The following ZNF682 variants were observed in gnomAD, a reference collection of about 807,000 sequenced individuals.
ZNF682 encodes zinc finger protein 682.
In ZNF682, 29 loss-of-function variants were observed where a neutral mutation model predicts 36.5. The observed-to-expected ratio is 0.80, with a 90% CI of 0.59 to 1.08. ZNF682 has a LOEUF of 1.08. ZNF682 is among the 50% of genes least tolerant of loss of function. The pLI is 0.00. For synonymous variants in ZNF682, 180 were observed against 197.0 expected, an observed-to-expected ratio of 0.91 and a Z score of 0.72; for missense variants, 561 against 579.7, an observed-to-expected ratio of 0.97 and a Z score of 0.33.
intron 3 of ZNF682, among the ~76,000 whole-genome samples, chr19:19,998,436 T>G (rs1160315260): frequency 6.6e-6 from 1 of 152,134 alleles, no homozygotes; most frequent in Non-Finnish European, 1.5e-5. Flanking sequence ...AGCAGAAGGA[T>G]GGAGAATCTT....
At chr19:20,022,423 T>A (rs182251090) in intron 3 of ZNF682, among the ~76,000 whole-genome samples, 24 of 152,042 alleles carry the variant, frequency 1.6e-4, no homozygotes, top group Non-Finnish European at 3.4e-4. Flanking sequence ...ATCCCAGCAC[T>A]TTGGGAGGCT....
At chr19:19,995,268 G>C (rs1405777937), downstream of ZNF682, among the ~76,000 whole-genome samples, 1 of 152,142 alleles carries the variant, frequency 6.6e-6, no homozygotes, top group Non-Finnish European at 1.5e-5. Flanking sequence ...GAATGGAAAA[G>C]GTTTACACTC....
Position 20,036,823 on chromosome 19 carries a change from A to G in ZNF682, c.3+2520T>C, listed in dbSNP as rs998406916. ...CTCTATAAAAAAAAAAGAAAAAAAA[A>G]AAAAAAAAAAAATTAGCTAGGCAAG... On this transcript the variant is annotated intron_variant, in intron 1 of 3. Coordinates refer to ENST00000397165, the MANE Select transcript of ZNF682 (RefSeq NM_033196.3). 6.9e-4 allele frequency among the ~76,000 whole-genome samples: 101 copies of G among 147,224 alleles called. 1 individual carries two copies. The highest frequency in any genetic ancestry group is 2.4e-3 in the African/African-American group (92 of 38,522).
chr19:20,029,304 T>TA (rs1435269989), intron 1 of ZNF682, among the ~76,000 whole-genome samples: 2 of 151,244 alleles, frequency 1.3e-5, no homozygotes, highest in African/African-American at 4.9e-5. Context: ...CTTTTTTTTT[T>TA]AAATGCATGG....
downstream of ZNF682, chr19:20,004,396 C>G (rs1471959414): frequency 6.6e-6 from 1 of 152,130 alleles, no homozygotes; most frequent in Non-Finnish European, 1.5e-5. Context: ...CAGGATAACA[C>G]CTAATTCAAT....
downstream of ZNF682, among the ~76,000 whole-genome samples, chr19:20,004,058 ATG>A (rs749453620): frequency 4.6e-5 from 7 of 152,236 alleles, no homozygotes; most frequent in Non-Finnish European, 1.0e-4. Context: ...TAAAGAGTCT[ATG>A]TGTGTCTGGA....
rs1466135246 is a variant in ZNF682, at chr19:20,012,872, G to A, written c.227-5597C>T. Among the ~76,000 whole-genome samples, 3 of 151,168 alleles carry A rather than the reference G, an allele frequency of 2.0e-5. No individual in the cohort carries two copies. In the South Asian group the frequency reaches 6.3e-4, roughly 32 times the overall value. On this transcript the variant is annotated intron_variant, in intron 3 of 3. Transcript: ENST00000397165. ...TCATTTCTCAAAAGACATAAAAGCA[G>A]CCAAGAAACATGAAAAAATGAGATA...
intron 3 of ZNF682, among the ~76,000 whole-genome samples, chr19:19,998,121 C>T (rs907895080): frequency 6.6e-6 from 1 of 152,186 alleles, no homozygotes; most frequent in East Asian, 1.9e-4. Context: ...CATACCTGCA[C>T]CGTACCCTGA....
chr19:20,027,208 A>G (rs2088439272), intron 1 of ZNF682, among the ~76,000 whole-genome samples: 1 of 152,108 alleles, frequency 6.6e-6, no homozygotes. Flanking sequence ...ACCTGCTACC[A>G]CCGCACCCAC....
rs192180348 is a variant in ZNF682, at chr19:20,023,066, C to T, written c.164G>A (p.Arg55His). 2.4e-5 allele frequency: 38 copies of T among 1,613,974 alleles called. No homozygotes were observed. The East Asian group carries it at 3.3e-4, about 14-fold the overall frequency. ...CCAGGGCTCCTGTCTTTGCTCCAGA[C>T]GGCTAATCAGTTCTGGCTTAGAAAC... is the stretch of plus-strand genomic sequence containing the variant. ...LTVSKPELISRLEQRQEPWNV... is the reference protein window; with the variant it reads ...LTVSKPELISHLEQRQEPWNV... Residue 55 changes from arginine (R) to histidine (H), a missense_variant, in exon 3 of 4, where the codon CGT becomes CAT. Coordinates refer to ENST00000397165, the MANE Select transcript of ZNF682 (RefSeq NM_033196.3).
At chr19:20,012,371 A>G (rs1202932303) in intron 3 of ZNF682, among the ~76,000 whole-genome samples, 1 of 152,200 alleles carries the variant, frequency 6.6e-6, no homozygotes, top group Non-Finnish European at 1.5e-5. Context: ...AATAAGCACA[A>G]TCAAAAATGA....
At chr19:20,030,406 C>T (rs1233031328) in intron 1 of ZNF682, among the ~76,000 whole-genome samples, 1 of 152,020 alleles carries the variant, frequency 6.6e-6, no homozygotes, top group Non-Finnish European at 1.5e-5. Context: ...CCCATATCTA[C>T]TAAAAACACA....
rs373708129 is a variant in ZNF682 at position 20,006,623 on chromosome 19, C to A, written c.879G>T (p.Ala293=). The A allele has an allele frequency of 6.2e-7, 1 of 1,613,916 alleles. No individual in the cohort carries two copies. The highest frequency in any genetic ancestry group is 1.3e-5 in the African/African-American group (1 of 74,956). ...KPYTCEDCGR[A]FNRHSHLTKH... is the part of the protein sequence containing the mutation. Reference sequence around the variant, plus strand: ...TGGTGAGATGTGAGTGCCGGTTAAACGCTCTGCCACAGTCTTCACATGTAT... The same window carrying A: ...TGGTGAGATGTGAGTGCCGGTTAAAAGCTCTGCCACAGTCTTCACATGTAT... Residue 293 remains alanine, a synonymous_variant, in exon 4 of 4, where the codon GCG becomes GCT. Coordinates refer to ENST00000397165, the MANE Select transcript of ZNF682 (RefSeq NM_033196.3).
At position 20,006,200 on chromosome 19, in the gene ZNF682, A is replaced by G. The variant is rs1156571679; in HGVS notation, c.1302T>C (p.Phe434=). 45 of 1,613,848 alleles carry G rather than the reference A, an allele frequency of 2.8e-5. No individual in the cohort carries two copies. The highest frequency in any genetic ancestry group is 3.4e-5 in the Non-Finnish European group (40 of 1,179,988). Residue 434 remains phenylalanine, a synonymous_variant, in exon 4 of 4, where the codon TTT becomes TTC. Coordinates refer to ENST00000397165, the MANE Select transcript of ZNF682 (RefSeq NM_033196.3). ...GTCTAGTAAGGTGTGAGCACCGATTAAAGGCTTTTCCACATTCTTCACAGT... is the reference window on the plus strand; with the variant it reads ...GTCTAGTAAGGTGTGAGCACCGATTGAAGGCTTTTCCACATTCTTCACAGT... ...PYNCEECGKA[F]NRCSHLTRHK... is the part of the protein sequence containing the mutation.
intron 3 of ZNF682, 83 bp from the exon 4 acceptor site, chr19:20,007,358 T>A: frequency 7.7e-7 from 1 of 1,306,564 alleles, no homozygotes; most frequent in Non-Finnish European, 1.0e-6. Context: ...TACAGAAAAT[T>A]AAGAAAAGGA....
At chr19:20,034,766 C>A (rs2088512488) in intron 1 of ZNF682, among the ~76,000 whole-genome samples, 1 of 112,316 alleles carries the variant, frequency 8.9e-6, no homozygotes, top group Non-Finnish European at 1.8e-5. Context: ...AAGAGCAAAA[C>A]TCCATCTCAA....
chr19:20,020,828 T>C (rs1189963829), intron 3 of ZNF682, among the ~76,000 whole-genome samples: 1 of 152,194 alleles, frequency 6.6e-6, no homozygotes, highest in Non-Finnish European at 1.5e-5. Flanking sequence ...AAATAATGCA[T>C]GATCCTCAGC....
chr19:19,998,020 C>G (rs1320252842), intron 3 of ZNF682, among the ~76,000 whole-genome samples: 1 of 152,050 alleles, frequency 6.6e-6, no homozygotes, highest in Non-Finnish European at 1.5e-5. Context: ...TGAGATTCCC[C>G]CATGCATTCA....
chr19:20,014,224 A>T (rs1257915361), intron 3 of ZNF682, among the ~76,000 whole-genome samples: 1 of 152,238 alleles, frequency 6.6e-6, no homozygotes, highest in African/African-American at 2.4e-5. Flanking sequence ...TGATTTCAAA[A>T]CACATGACAA....
Sources: gnomAD v4.1 joint callset for allele counts (sites outside exome capture counted in the v4.1 genomes callset) on GRCh38, gnomAD v4.1.1 for gene constraint, MANE v1.5 for transcripts, NCBI Gene and HGNC (gene_info 2026-07-23, HGNC 2026-07-21) for gene names.